RIBC2: variants seen among roughly 807,000 people sequenced by gnomAD.
RIBC2 encodes the protein RIB43A-like with coiled-coils protein 2.
A neutral mutation model predicts 44.3 loss-of-function variants in RIBC2; 40 were observed. That is an observed-to-expected ratio of 0.90 (90% CI 0.70 to 1.18). RIBC2 has a LOEUF of 1.18. Among genes scored for constraint, RIBC2 ranks in the 50% most tolerant of loss-of-function variants. The pLI, the probability that RIBC2 is intolerant of heterozygous loss-of-function variation, is 0.00. For synonymous variants in RIBC2, 171 were observed against 175.0 expected (o/e 0.98, Z 0.18); for missense variants, 459 against 485.5 (o/e 0.95, Z 0.51).
chr22:45,415,762 C>T (rs1419957999), intron 2 of RIBC2, among the ~76,000 whole-genome samples: 1 of 152,062 alleles, frequency 6.6e-6, no homozygotes, highest in Non-Finnish European at 1.5e-5. Context: ...AGCTGTGGCG[C>T]GATCTCAGCT....
At chr22:45,430,291 G>A (rs1401704995) in intron 5 of RIBC2, among the ~76,000 whole-genome samples, 2 of 152,196 alleles carry the variant, frequency 1.3e-5, no homozygotes, top group African/African-American at 4.8e-5. Context: ...ACAACACACG[G>A]GGAAGTACCC....
At chr22:45,419,415 A>G (rs1398195957) in intron 3 of RIBC2, among the ~76,000 whole-genome samples, 1 of 151,298 alleles carries the variant, frequency 6.6e-6, no homozygotes, top group Non-Finnish European at 1.5e-5. Flanking sequence ...ACACCCTCCA[A>G]CATTCCCATT....
chr22:45,431,190 C>A, intron 6 of RIBC2, 124 bp downstream of exon 6: 2 of 1,137,206 alleles, frequency 1.8e-6, no homozygotes, highest in Non-Finnish European at 2.5e-6. Flanking sequence ...CTCATCTGGA[C>A]ACTGTGGACC....
chr22:45,421,320 T>TACTATTATTAATAA lies in RIBC2; in HGVS notation c.557-970_557-969insACTATTATTAATAA, dbSNP rs1569208649. Reference sequence around the variant, plus strand: ...AATAATAATAATACTATTATTATTATTAATACTATTATTAATAATAATAAT... The same window carrying TACTATTATTAATAA: ...AATAATAATAATACTATTATTATTATACTATTATTAATAATAATACTATTATTAATAATAATAAT... On this transcript the variant is annotated intron_variant, in intron 3 of 6. Transcript: ENST00000614167. Among the ~76,000 whole-genome samples the TACTATTATTAATAA allele has an allele frequency of 2.8e-4, 23 of 82,832 alleles. 1 individual carries two copies. The highest frequency in any genetic ancestry group is 6.1e-3 in the Middle Eastern group (1 of 164). 54.3% of individuals were successfully genotyped at this position (82,832 alleles called of 152,430 possible). A position where few individuals can be genotyped will look rare whatever the true frequency, so the allele number is the denominator to read the frequency against.
intron 4 of RIBC2, 21 bp downstream of exon 4, chr22:45,422,429 C>G: frequency 2.6e-6 from 4 of 1,551,270 alleles, no homozygotes; most frequent in Non-Finnish European, 3.6e-6. Context: ...TCCGCGACCT[C>G]GGGCTCGACG....
rs771255874 is a variant in RIBC2 at position 45,417,724 on chromosome 22, CG to C, written c.335del (p.Arg112ProfsTer10). Reference protein sequence around the residue: ...FQQSFQKPETRREFDLSDPLA... With the variant: ...FQQSFQKPETXREFDLSDPLA... ...ACAGAGCTTTCAGAAGCCAGAAACT[CG>C]CCGTGAATTTGATCTGTCCGACCCC... is the stretch of plus-strand genomic sequence containing the variant. On this transcript the variant is annotated frameshift_variant, in exon 3 of 7. Coordinates refer to ENST00000614167, the MANE Select transcript of RIBC2 (RefSeq NM_015653.5). LOFTEE classifies it high-confidence loss of function. 23 of 1,613,994 alleles carry C rather than the reference CG, an allele frequency of 1.4e-5. No individual in the cohort carries two copies. Among genetic ancestry groups the C allele is most frequent in the Non-Finnish European group, 1.7e-5 (20 of 1,180,034 alleles).
At chr22:45,414,682 T>C (rs1222763011) in intron 2 of RIBC2, among the ~76,000 whole-genome samples, 1 of 152,156 alleles carries the variant, frequency 6.6e-6, no homozygotes, top group African/African-American at 2.4e-5. Flanking sequence ...TTTCACACTC[T>C]TCTTCCTTTT....
intron 5 of RIBC2, among the ~76,000 whole-genome samples, chr22:45,429,513 C>T (rs565194188): frequency 1.3e-5 from 2 of 152,102 alleles, no homozygotes; most frequent in South Asian, 4.2e-4. Flanking sequence ...GGAGGAGGGA[C>T]AGTGGCGGTG....
chr22:45,415,938 G>A (rs2087420989), intron 2 of RIBC2, among the ~76,000 whole-genome samples: 1 of 152,166 alleles, frequency 6.6e-6, no homozygotes, highest in Admixed American at 6.5e-5. Context: ...GACCTCAGGT[G>A]ATCTTCCCGC....
At chr22:45,419,196 C>G (rs1357094740) in intron 3 of RIBC2, among the ~76,000 whole-genome samples, 1 of 152,198 alleles carries the variant, frequency 6.6e-6, no homozygotes, top group East Asian at 1.9e-4. Flanking sequence ...AGCCTGGACT[C>G]TTCCCTGAAT....
rs139748742 is a variant in RIBC2, at chr22:45,420,854, G to A, written c.557-1436G>A. Among the ~76,000 whole-genome samples the A allele has an allele frequency of 2.3e-3, 351 of 152,236 alleles. 2 individuals carry two copies. The highest frequency in any genetic ancestry group is 7.8e-3 in the African/African-American group (323 of 41,538). On this transcript the variant is annotated intron_variant, in intron 3 of 6. Transcript: ENST00000614167. Reference sequence around the variant, plus strand: ...TCTGATGGCCTCCACTTCCTTTCTTGCCCCTCTCTGGTCCATTCCCAAAAC... The same window carrying A: ...TCTGATGGCCTCCACTTCCTTTCTTACCCCTCTCTGGTCCATTCCCAAAAC...
chr22:45,426,077 G>A lies in RIBC2; in HGVS notation c.805G>A (p.Gly269Arg). 4 of 1,613,920 alleles carry A rather than the reference G, an allele frequency of 2.5e-6. No homozygotes were observed. Among genetic ancestry groups the A allele is most frequent in the African/African-American group, 1.3e-5 (1 of 75,032 alleles). ...CCCGCAGCAGGCAGCCAGCTCCTTC[G>A]GGCCCCACCGCGTGGTCCCTGACCG... ...ENPQQAASSFGPHRVVPDRWK... is the reference protein window; with the variant it reads ...ENPQQAASSFRPHRVVPDRWK... Residue 269 changes from glycine (G) to arginine (R), a missense_variant, in exon 5 of 7, where the codon GGG becomes AGG. Transcript: ENST00000614167.
Position 45,426,125 on chromosome 22 carries a change from C to G in RIBC2, c.853C>G (p.Gln285Glu). ...PDRWKGMTQE[Q>E]LEQIRLVQKQ... The stretch of plus-strand genomic sequence containing the variant: ...CCGCTGGAAGGGCATGACCCAGGAG[C>G]AGCTGGAGCAGATCCGCCTAGTCCA... The change falls in exon 5 of 7, where the codon CAG becomes GAG. Residue 285 changes from glutamine (Q) to glutamate (E), a missense_variant. Coordinates refer to ENST00000614167, the MANE Select transcript of RIBC2 (RefSeq NM_015653.5). The G allele has an allele frequency of 1.2e-6, 2 of 1,613,980 alleles. No individual in the cohort carries two copies. The highest frequency in any genetic ancestry group is 1.7e-6 in the Non-Finnish European group (2 of 1,180,018).
chr22:45,430,826 G>C, intron 5 of RIBC2, 74 bp from the exon 6 acceptor site: 1 of 1,440,230 alleles, frequency 6.9e-7, no homozygotes. Flanking sequence ...TGAGAGGCCA[G>C]GCCTCCTAGA....
chr22:45,420,953 T>C (rs2087471435), intron 3 of RIBC2, among the ~76,000 whole-genome samples: 1 of 152,174 alleles, frequency 6.6e-6, no homozygotes, highest in Admixed American at 6.5e-5. Context: ...TCCCAGCACT[T>C]TGGGAGGCCG....
chr22:45,426,270 C>T, intron 5 of RIBC2, 95 bp downstream of exon 5: 2 of 1,148,178 alleles, frequency 1.7e-6, no homozygotes, highest in Non-Finnish European at 2.5e-6. Flanking sequence ...AGGCCTTGTG[C>T]TCTGCCCTAG....
intron 6 of RIBC2, among the ~76,000 whole-genome samples, chr22:45,431,341 A>G (rs2087578777): frequency 6.6e-6 from 1 of 152,012 alleles, no homozygotes. Flanking sequence ...TTCCTGGAGG[A>G]GGCTTCATTG....
At chr22:45,423,606 G>A (rs1435560176) in intron 4 of RIBC2, among the ~76,000 whole-genome samples, 1 of 152,192 alleles carries the variant, frequency 6.6e-6, no homozygotes, top group African/African-American at 2.4e-5. Flanking sequence ...CTGTCCTGGT[G>A]GAGGCAGGCA....
intron 2 of RIBC2, among the ~76,000 whole-genome samples, chr22:45,416,176 G>C (rs1264176914): frequency 1.3e-5 from 2 of 152,054 alleles, no homozygotes; most frequent in Admixed American, 1.3e-4. Flanking sequence ...TACATATAGA[G>C]AGTATTCATT....
Sources: allele counts gnomAD v4.1 joint callset (sites outside exome capture counted in the v4.1 genomes callset), GRCh38; gene constraint gnomAD v4.1.1; transcripts MANE v1.5; gene names NCBI Gene and HGNC (gene_info 2026-07-23, HGNC 2026-07-21).